CRISPLD2: variants seen among roughly 807,000 people sequenced by gnomAD.
The protein encoded by CRISPLD2 is cysteine-rich secretory protein LCCL domain-containing 2.
CRISPLD2 carries 47 observed loss-of-function variants against 71.1 expected under a neutral mutation model. That is an observed-to-expected ratio of 0.66 (90% CI 0.52 to 0.84). The LOEUF (loss-of-function observed/expected upper bound fraction) is 0.84. Among genes scored for constraint, CRISPLD2 ranks in the 40% least tolerant of loss-of-function variants. The pLI is 0.00. For synonymous variants in CRISPLD2, 317 were observed against 250.1 expected (o/e 1.27, Z -2.52); for missense variants, 830 against 651.1 (o/e 1.27, Z -2.99).
intron 1 of CRISPLD2, among the ~76,000 whole-genome samples, chr16:84,824,615 C>G (rs967995741): frequency 6.6e-6 from 1 of 152,186 alleles, no homozygotes; most frequent in African/African-American, 2.4e-5. Context: ...AGCAAGCATC[C>G]TCTACAACAA....
intron 14 of CRISPLD2, among the ~76,000 whole-genome samples, chr16:84,891,263 G>A (rs759475907): frequency 4.6e-5 from 7 of 152,312 alleles, no homozygotes; most frequent in African/African-American, 7.2e-5. Flanking sequence ...GCCCCTGGAC[G>A]CTCAGGCCTT....
In CRISPLD2 at chr16:84,838,675, C is replaced by T. The variant is rs1031095040; in HGVS notation, c.180C>T (p.Leu60=). 3 of 1,614,232 alleles carry T rather than the reference C, an allele frequency of 1.9e-6. No homozygotes were observed. Among genetic ancestry groups the T allele is most frequent in the Admixed American group, 3.3e-5 (2 of 60,032 alleles). The stretch of plus-strand genomic sequence containing the variant: ...CCAGGGAGGACAAGGAGGAGATCCT[C>T]ATGCTGCACAACAAGCTTCGGGGCC... ...AIPREDKEEI[L]MLHNKLRGQV... Residue 60 remains leucine (L), a synonymous_variant, in exon 2 of 15, where the codon CTC becomes CTT. Transcript: ENST00000262424.
In CRISPLD2 at chr16:84,907,053, G is replaced by A. The variant is rs116872726; in HGVS notation, c.*411G>A. ...ACAATTGTGAAGCATTCACGGCGTC[G>A]GAAGAGGCCTTTTGAGCAAGCGCCA... On this transcript the variant is annotated 3_prime_UTR_variant, in exon 15 of 15. Coordinates refer to ENST00000262424, the MANE Select transcript of CRISPLD2 (RefSeq NM_031476.4). 1.9e-3 allele frequency: 404 copies of A among 214,290 alleles called. 4 individuals carry two copies. Among genetic ancestry groups the A allele is most frequent in the Middle Eastern group, 6.1e-3 (3 of 494 alleles). 13.3% of individuals were successfully genotyped at this position (214,290 alleles called of 1,614,324 possible). A position where few individuals can be genotyped will look rare whatever the true frequency, so the allele number is the denominator to read the frequency against.
At chr16:84,873,577 ATAT>A in intron 10 of CRISPLD2, 1 of 220,402 alleles carries the variant, frequency 4.5e-6, no homozygotes, top group East Asian at 1.0e-4. Context: ...TTTGATCATG[ATAT>A]TAATAATAAC....
intron 14 of CRISPLD2, among the ~76,000 whole-genome samples, chr16:84,891,780 G>C (rs898337587): frequency 7.2e-5 from 11 of 152,058 alleles, no homozygotes; most frequent in Non-Finnish European, 1.3e-4. Flanking sequence ...GGCAGGGATG[G>C]AGAGAAGGCC....
chr16:84,868,811 G>A (rs1450947708), intron 7 of CRISPLD2, 40 bp from the exon 8 acceptor site: 1 of 1,561,014 alleles, frequency 6.4e-7, no homozygotes, highest in Non-Finnish European at 8.8e-7. Context: ...CACCCTCCTG[G>A]TTTCGTGCCG....
At chr16:84,873,681 T>G (rs1269092701) in intron 10 of CRISPLD2, among the ~76,000 whole-genome samples, 1 of 152,130 alleles carries the variant, frequency 6.6e-6, no homozygotes, top group African/African-American at 2.4e-5. Context: ...TTGAAAACCA[T>G]TATTCTTAGA....
In CRISPLD2 at chr16:84,881,593, A is replaced by G. The variant is rs74250176; in HGVS notation, c.1305+1009A>G. ...AATCCAGGGAATCTTCTAGATCTAA[A>G]ATTCTGTGATTAGGGCAGCATCATT... On this transcript the variant is annotated intron_variant, in intron 13 of 14. Transcript: ENST00000262424. Among the ~76,000 whole-genome samples, 5 of 152,196 alleles carry G rather than the reference A, an allele frequency of 3.3e-5. No homozygotes were observed. In the East Asian group the frequency reaches 9.7e-4, roughly 29 times the overall value.
intron 13 of CRISPLD2, 183 bp downstream of exon 13, chr16:84,880,767 G>A (rs2071561540): frequency 2.1e-6 from 1 of 474,130 alleles, no homozygotes; most frequent in Non-Finnish European, 3.8e-6. Flanking sequence ...GTACAGTGGA[G>A]TAATCTTGGC....
At chr16:84,879,947 C>G (rs1480222340) in intron 12 of CRISPLD2, among the ~76,000 whole-genome samples, 1 of 152,212 alleles carries the variant, frequency 6.6e-6, no homozygotes, top group East Asian at 1.9e-4. Flanking sequence ...ACCCAGGGGT[C>G]ACCCATTTCC....
At chr16:84,830,429 C>T (rs1413362545) in intron 1 of CRISPLD2, among the ~76,000 whole-genome samples, 1 of 152,182 alleles carries the variant, frequency 6.6e-6, no homozygotes, top group African/African-American at 2.4e-5. Flanking sequence ...ATATTCCGGG[C>T]ATGGTGGCTC....
At chr16:84,884,244 A>G (rs1567700874) in intron 13 of CRISPLD2, among the ~76,000 whole-genome samples, 1 of 152,132 alleles carries the variant, frequency 6.6e-6, no homozygotes. Context: ...CCCGCCTCTG[A>G]TCTTTATCAG....
At position 84,873,008 on chromosome 16, in the gene CRISPLD2, G is replaced by A. The variant is rs1168434863; in HGVS notation, c.998G>A (p.Arg333His). The change falls in exon 10 of 15, where the codon CGC becomes CAC. Residue 333 changes from arginine (R) to histidine (H), a missense_variant. Coordinates refer to ENST00000262424, the MANE Select transcript of CRISPLD2 (RefSeq NM_031476.4). ...TCCCGCCAGTCGTCTAGCATATGCC[G>A]CGCCGCCATCCACTACGGGATCCTG... Reference protein sequence around the residue: ...LFYESSSSICRAAIHYGILDD... With the variant: ...LFYESSSSICHAAIHYGILDD... The A allele has an allele frequency of 6.8e-6, 11 of 1,613,044 alleles. No homozygotes were observed. The highest frequency in any genetic ancestry group is 5.3e-5 in the African/African-American group (4 of 74,788).
intron 1 of CRISPLD2, among the ~76,000 whole-genome samples, chr16:84,825,043 G>A (rs1916317000): frequency 6.6e-6 from 1 of 152,156 alleles, no homozygotes; most frequent in Non-Finnish European, 1.5e-5. Context: ...GGCGGAGGTT[G>A]CAGTGAGCCG....
chr16:84,857,700 T>A (rs1917278946), intron 6 of CRISPLD2, among the ~76,000 whole-genome samples: 1 of 152,206 alleles, frequency 6.6e-6, no homozygotes, highest in African/African-American at 2.4e-5. Flanking sequence ...GAATCATCTG[T>A]GAACCAGGCC....
chr16:84,888,335 A>G (rs1465190545), intron 13 of CRISPLD2, among the ~76,000 whole-genome samples: 2 of 152,208 alleles, frequency 1.3e-5, no homozygotes, highest in Non-Finnish European at 2.9e-5. Context: ...GGAGTTCAGG[A>G]CCAGCGTGAG....
intron 2 of CRISPLD2, among the ~76,000 whole-genome samples, chr16:84,844,682 C>T (rs1242078523): frequency 6.6e-6 from 1 of 152,122 alleles, no homozygotes; most frequent in East Asian, 1.9e-4. Flanking sequence ...CACTTTCTAT[C>T]TTCCAACTGA....
chr16:84,824,268 G>T (rs1434132561), intron 1 of CRISPLD2, among the ~76,000 whole-genome samples: 1 of 152,194 alleles, frequency 6.6e-6, no homozygotes, highest in Admixed American at 6.5e-5. Context: ...GGCAGCAAAG[G>T]TCTGTCCTGC....
intron 2 of CRISPLD2, among the ~76,000 whole-genome samples, chr16:84,840,652 T>A (rs7185928): frequency 0.56 from 84,403 of 151,840 alleles, 23,928 homozygotes; most frequent in Non-Finnish European, 0.61. Flanking sequence ...GATTACAGGC[T>A]TGCACCACCA....
Sources: gnomAD v4.1 joint callset for allele counts (sites outside exome capture counted in the v4.1 genomes callset) on GRCh38, gnomAD v4.1.1 for gene constraint, MANE v1.5 for transcripts, NCBI Gene and HGNC (gene_info 2026-07-23, HGNC 2026-07-21) for gene names.